The following WDR91 variants were observed in gnomAD, a reference collection of about 807,000 sequenced individuals.
The protein encoded by WDR91 is WD repeat-containing protein 91.
WDR91 carries 52 observed loss-of-function variants against 88.4 expected under a neutral mutation model. That is an observed-to-expected ratio of 0.59 (90% CI 0.47 to 0.74). The LOEUF is 0.74. Ranked by LOEUF, WDR91 falls within the 30% of genes least tolerant of loss-of-function variation. WDR91 has a pLI of 0.00. For missense variants in WDR91, 824 were observed against 954.5 expected (o/e 0.86, Z 1.80); for synonymous variants, 362 against 389.5 (o/e 0.93, Z 0.83).
intron 11 of WDR91, among the ~76,000 whole-genome samples, chr7:135,191,162 G>T (rs1211724154): frequency 6.6e-6 from 1 of 152,224 alleles, no homozygotes; most frequent in Non-Finnish European, 1.5e-5. Context: ...CAAGTCACAA[G>T]GTTAGGGAAG....
Position 135,189,391 on chromosome 7 carries a change from C to G in WDR91, c.1721G>C (p.Gly574Ala). 2 of 1,613,902 alleles carry G rather than the reference C, an allele frequency of 1.2e-6. No homozygotes were observed. Among genetic ancestry groups the G allele is most frequent in the Non-Finnish European group, 8.5e-7 (1 of 1,179,864 alleles). Residue 574 changes from glycine to alanine, a missense_variant, in exon 12 of 15, where the codon GGG becomes GCG. By Grantham distance (60) the Gly-to-Ala change is moderately conservative. Coordinates refer to ENST00000354475, the MANE Select transcript of WDR91 (RefSeq NM_014149.4). ...AINCTAFNHNGNLLVTGAADG... is the reference protein window; with the variant it reads ...AINCTAFNHNANLLVTGAADG... ...AGCTGCCCCTGTGACCAGCAGGTTC[C>G]CGTTGTGATTGAAGGCTGTACAGTT...
In WDR91 at chr7:135,198,009, G is replaced by A. The variant is rs1219962864; in HGVS notation, c.1034C>T (p.Ser345Phe). Residue 345 changes from serine to phenylalanine, a missense_variant, in exon 7 of 15, where the codon TCC becomes TTC. Transcript: ENST00000354475. ...DHGKERKELFSTTTSQCAEKK... is the reference protein window; with the variant it reads ...DHGKERKELFFTTTSQCAEKK... The stretch of plus-strand genomic sequence containing the variant: ...ACCCCATACCTGGGAAGTGGTTGTG[G>A]AGAAAAGCTCCTTCCTCTCCTTGCC... The A allele has an allele frequency of 6.2e-7, 1 of 1,614,012 alleles. No homozygotes were observed. Among genetic ancestry groups the A allele is most frequent in the Non-Finnish European group, 8.5e-7 (1 of 1,179,984 alleles).
chr7:135,203,405 C>T (rs1196922807), intron 6 of WDR91, among the ~76,000 whole-genome samples: 2 of 152,292 alleles, frequency 1.3e-5, no homozygotes, highest in Non-Finnish European at 2.9e-5. Context: ...AGTGTCCCTA[C>T]GCAAGCAATA....
chr7:135,201,096 C>T (rs1260437656), intron 6 of WDR91, among the ~76,000 whole-genome samples: 1 of 152,146 alleles, frequency 6.6e-6, no homozygotes, highest in Non-Finnish European at 1.5e-5. Flanking sequence ...CAGTCACAAG[C>T]ACAGAAGTTT....
intron 7 of WDR91, chr7:135,197,549 G>A (rs998117664): frequency 1.3e-5 from 2 of 158,496 alleles, no homozygotes; most frequent in African/African-American, 4.8e-5. Context: ...GGCCCTCAGT[G>A]CAGCAATACA....
intron 13 of WDR91, 35 bp downstream of exon 13, chr7:135,188,398 C>T (rs763620989): frequency 1.5e-5 from 23 of 1,584,520 alleles, no homozygotes; most frequent in African/African-American, 2.7e-5. Flanking sequence ...CATGTCATCC[C>T]GGTGCTCTCT....
chr7:135,190,388 GC>G (rs1831120226), intron 11 of WDR91, among the ~76,000 whole-genome samples: 1 of 151,932 alleles, frequency 6.6e-6, no homozygotes, highest in Non-Finnish European at 1.5e-5. Flanking sequence ...GAGGAACCTG[GC>G]AAAAATTAAT....
chr7:135,210,179 G>A (rs1359584873), intron 1 of WDR91, among the ~76,000 whole-genome samples: 1 of 152,078 alleles, frequency 6.6e-6, no homozygotes, highest in East Asian at 1.9e-4. Flanking sequence ...GTGAAACCCC[G>A]ACTCTACTAA....
chr7:135,185,281 T>C lies in WDR91; in HGVS notation c.*870A>G, dbSNP rs370494005. 3 of 152,356 alleles carry C rather than the reference T, an allele frequency of 2.0e-5. No individual in the cohort carries two copies. The East Asian group carries it at 5.8e-4, about 29-fold the overall frequency. 9.4% of individuals were successfully genotyped at this position (152,356 alleles called of 1,614,324 possible). ...TTTAAAATACTGTATAGAGTTACCT[T>C]CAGGCTACATGTATAAGGTATATAT... is the stretch of plus-strand genomic sequence containing the variant. On this transcript the variant is annotated 3_prime_UTR_variant, in exon 15 of 15. Transcript: ENST00000354475.
chr7:135,211,239 TG>T, intron 1 of WDR91, 140 bp downstream of exon 1: 1 of 1,336,382 alleles, frequency 7.5e-7, no homozygotes, highest in Non-Finnish European at 9.9e-7. Context: ...TCCGTCAAGC[TG>T]GGGTCGGACG....
chr7:135,207,684 G>A (rs1353777623), intron 3 of WDR91, among the ~76,000 whole-genome samples: 2 of 152,218 alleles, frequency 1.3e-5, no homozygotes, highest in Non-Finnish European at 2.9e-5. Context: ...TTTGGACTGA[G>A]AAGAGAAAGC....
rs1831953668 is a variant in WDR91, at chr7:135,209,986, G to A, written c.124-231C>T. 4 of 400,698 alleles carry A rather than the reference G, an allele frequency of 1.0e-5. No individual in the cohort carries two copies. The East Asian group carries it at 1.7e-4, about 17-fold the overall frequency. The allele number at this position is 400,698 out of a possible 1,614,324, so 24.8% of individuals were successfully genotyped here. On this transcript the variant is annotated intron_variant, in intron 1 of 14. Transcript: ENST00000354475. ...GCACGGAAATTTCAGGTGTAAAAGG[G>A]CTCTGGCCCAGAACCTAAGAGATCT...
intron 11 of WDR91, among the ~76,000 whole-genome samples, chr7:135,192,778 G>C (rs897832035): frequency 6.6e-6 from 1 of 152,214 alleles, no homozygotes; most frequent in Non-Finnish European, 1.5e-5. Context: ...CTGGGGCTCA[G>C]GGTGGCAGCT....
rs1256822296 is a variant in WDR91 at position 135,185,525 on chromosome 7, G to C, written c.*626C>G. On this transcript the variant is annotated 3_prime_UTR_variant, in exon 15 of 15. Coordinates refer to ENST00000354475, the MANE Select transcript of WDR91 (RefSeq NM_014149.4). ...GCCTCAGCCCCTGCCTTCATCCTGA[G>C]AATCTTCTGTAACAAAAGCTGCCAG... 1 of 152,224 alleles carries C rather than the reference G, an allele frequency of 6.6e-6. No individual in the cohort carries two copies. The highest frequency in any genetic ancestry group is 1.5e-5 in the Non-Finnish European group (1 of 68,046). 9.4% of individuals were successfully genotyped at this position (152,224 alleles called of 1,614,324 possible). A position where few individuals can be genotyped will look rare whatever the true frequency, so the allele number is the denominator to read the frequency against.
At chr7:135,204,225 C>T (rs752461844) in intron 6 of WDR91, 43 bp downstream of exon 6, 15 of 1,602,732 alleles carry the variant, frequency 9.4e-6, no homozygotes, top group South Asian at 2.2e-5. Context: ...GGAGCTGTCA[C>T]GGCCTTCTTG....
chr7:135,201,579 T>C lies in WDR91; in HGVS notation c.891+2689A>G, dbSNP rs529408725. On this transcript the variant is annotated intron_variant, in intron 6 of 14. Transcript: ENST00000354475. ...AAAATTTATAATGCTTTCTATAAAT[T>C]ATATTTAAGATAGGAAAGTCTAATC... The C allele has an allele frequency of 7.9e-5, 12 of 152,324 alleles. No homozygotes were observed. The East Asian group carries it at 1.9e-3, about 24-fold the overall frequency. 9.4% of individuals were successfully genotyped at this position (152,324 alleles called of 1,614,324 possible). A position where few individuals can be genotyped will look rare whatever the true frequency, so the allele number is the denominator to read the frequency against.
intron 10 of WDR91, 59 bp from the exon 11 acceptor site, chr7:135,193,458 T>C (rs1312769154): frequency 8.1e-6 from 13 of 1,610,550 alleles, no homozygotes; most frequent in Non-Finnish European, 2.5e-6. Context: ...GAGGGTGCAC[T>C]TTGGTCCTGA....
chr7:135,187,984 C>A (rs183536138), intron 13 of WDR91, among the ~76,000 whole-genome samples: 2 of 152,326 alleles, frequency 1.3e-5, no homozygotes, highest in African/African-American at 4.8e-5. Flanking sequence ...TAGTTCCTAA[C>A]CCTCCACAGA....
chr7:135,191,567 T>C (rs1831165204), intron 11 of WDR91, among the ~76,000 whole-genome samples: 3 of 127,022 alleles, frequency 2.4e-5, no homozygotes, highest in Admixed American at 2.1e-4. Context: ...ATTGTGCCGC[T>C]GCACTCCAGC....
Sources: allele counts gnomAD v4.1 joint callset (sites outside exome capture counted in the v4.1 genomes callset), GRCh38; gene constraint gnomAD v4.1.1; transcripts MANE v1.5; gene names NCBI Gene and HGNC (gene_info 2026-07-23, HGNC 2026-07-21).